OTOGL: variants seen among roughly 807,000 people sequenced by gnomAD.
The protein encoded by OTOGL is otogelin-like protein.
In OTOGL, 285 loss-of-function variants were observed where a neutral mutation model predicts 318.5. The ratio of observed to expected loss-of-function variants is 0.89; its 90% CI spans 0.81 to 0.99. OTOGL has a LOEUF of 0.99. Ranked by LOEUF, OTOGL falls within the 50% of genes least tolerant of loss-of-function variation. OTOGL has a pLI of 0.00. For missense variants in OTOGL, 2,899 were observed against 2,845.6 expected, an observed-to-expected ratio of 1.02 and a Z score of -0.43; for synonymous variants, 987 against 936.5, an observed-to-expected ratio of 1.05 and a Z score of -0.99.
intron 44 of OTOGL, 91 bp from the exon 45 acceptor site, chr12:80,352,204 C>A: frequency 1.7e-6 from 2 of 1,164,768 alleles, no homozygotes; most frequent in Non-Finnish European, 2.4e-6. Context: ...TAACTTGCTA[C>A]CCTTTGATTC....
chr12:80,377,998 A>G lies in OTOGL; in HGVS notation c.7012A>G (p.Ile2338Val). The G allele has an allele frequency of 6.3e-7, 1 of 1,599,350 alleles. No homozygotes were observed. Among genetic ancestry groups the G allele is most frequent in the Non-Finnish European group, 8.5e-7 (1 of 1,171,610 alleles). ...PLYCSGNGTE[I>V]MYTLQEPIDC... ...GTATTGCTCAGGAAATGGCACTGAA[A>G]TTATGTACACTCTCCAGGAACCCAT... The change falls in exon 59 of 59, where the codon ATT (isoleucine) becomes GTT (valine). Residue 2338 changes from isoleucine (I) to valine (V), a missense_variant. Ile to Val is a conservative substitution (Grantham distance 29, BLOSUM62 3). Coordinates refer to ENST00000547103, the MANE Select transcript of OTOGL (RefSeq NM_001378609.3).
At position 80,177,926 on chromosome 12, in the gene OTOGL, T is replaced by C. The variant is rs780228939; in HGVS notation, c.-19-31487T>C. On this transcript the variant is annotated intron_variant, in intron 1 of 58. Transcript: ENST00000547103. ...AATATTCCAGCTGATGCCCTATGAA[T>C]TACAAGATTTTTCATTGTGTCTTAC... is the stretch of plus-strand genomic sequence containing the variant. Among the ~76,000 whole-genome samples the C allele has an allele frequency of 5.1e-4, 77 of 152,192 alleles. 1 individual carries two copies. The highest frequency in any genetic ancestry group is 9.6e-4 in the Non-Finnish European group (65 of 68,046).
intron 22 of OTOGL, 29 bp from the exon 23 acceptor site, chr12:80,270,073 C>G: frequency 6.6e-7 from 1 of 1,510,674 alleles, no homozygotes; most frequent in Non-Finnish European, 9.1e-7. Flanking sequence ...AGATTTGGTT[C>G]CATAAATTAA....
At chr12:80,239,965 G>A (rs573565853) in intron 11 of OTOGL, among the ~76,000 whole-genome samples, 1 of 152,142 alleles carries the variant, frequency 6.6e-6, no homozygotes, top group South Asian at 2.1e-4. Flanking sequence ...CCACATATGA[G>A]TGAGAATGTG....
At position 80,342,087 on chromosome 12, in the gene OTOGL, G is replaced by A; in HGVS notation, c.5190G>A (p.Arg1730=). Residue 1730 remains arginine (R), a synonymous_variant, in exon 44 of 59, where the codon AGG becomes AGA. Coordinates refer to ENST00000547103, the MANE Select transcript of OTOGL (RefSeq NM_001378609.3). ...SFEVTMRRPV[R]NCTEHDCSQC... ...AAGTAACAATGAGAAGACCTGTTAG[G>A]AATTGTACTGAGCATGATTGCAGCC... 1 of 1,606,482 alleles carries A rather than the reference G, an allele frequency of 6.2e-7. No homozygotes were observed.
intron 1 of OTOGL, among the ~76,000 whole-genome samples, chr12:80,178,181 C>T (rs1446378694): frequency 6.6e-6 from 1 of 150,762 alleles, no homozygotes; most frequent in Non-Finnish European, 1.5e-5. Context: ...CTGCCTCAGC[C>T]ACCCAAGTAG....
At chr12:80,198,411 C>A (rs1422824013) in intron 1 of OTOGL, among the ~76,000 whole-genome samples, 1 of 152,030 alleles carries the variant, frequency 6.6e-6, no homozygotes, top group Admixed American at 6.6e-5. Context: ...ATGGTGAAAC[C>A]CCATCTCTAA....
intron 1 of OTOGL, among the ~76,000 whole-genome samples, chr12:80,171,651 T>C (rs114749543): frequency 0.014 from 2,172 of 152,332 alleles, 56 homozygotes; most frequent in African/African-American, 0.049. Flanking sequence ...TTGTTTTGGC[T>C]ATTCCATATA....
chr12:80,199,791 G>A (rs145822333), intron 1 of OTOGL, among the ~76,000 whole-genome samples: 83 of 152,268 alleles, frequency 5.5e-4, no homozygotes, highest in Middle Eastern at 3.4e-3. Flanking sequence ...CTCAAACCAG[G>A]AGGAAAGCCA....
At chr12:80,327,987 A>C (rs1592712827) in intron 35 of OTOGL, among the ~76,000 whole-genome samples, 2 of 105,804 alleles carry the variant, frequency 1.9e-5, no homozygotes, top group East Asian at 7.5e-4. Context: ...AAAAAAAAAG[A>C]GTGGAAAGCA....
chr12:80,195,186 G>A (rs1875971891), intron 1 of OTOGL, among the ~76,000 whole-genome samples: 1 of 152,134 alleles, frequency 6.6e-6, no homozygotes, highest in South Asian at 2.1e-4. Context: ...AGTCTCATAT[G>A]TCAACAATGA....
intron 57 of OTOGL, among the ~76,000 whole-genome samples, chr12:80,374,643 A>G (rs1401789809): frequency 2.6e-5 from 4 of 151,906 alleles, no homozygotes; most frequent in Admixed American, 2.6e-4. Flanking sequence ...TTAAGATTTC[A>G]CTTTTTTTTT....
chr12:80,168,434 A>G (rs1454705703), intron 1 of OTOGL, among the ~76,000 whole-genome samples: 1 of 152,174 alleles, frequency 6.6e-6, no homozygotes, highest in Non-Finnish European at 1.5e-5. Flanking sequence ...TATTTAAATC[A>G]TGCTATTTTT....
chr12:80,344,574 A>G (rs1889040715), intron 44 of OTOGL, among the ~76,000 whole-genome samples: 2 of 152,182 alleles, frequency 1.3e-5, no homozygotes, highest in Non-Finnish European at 2.9e-5. Context: ...ATGGGCATCA[A>G]ATTATGTTGT....
intron 27 of OTOGL, among the ~76,000 whole-genome samples, chr12:80,298,828 G>C (rs79076215): frequency 0.011 from 1,620 of 152,292 alleles, 36 homozygotes; most frequent in African/African-American, 0.037. Context: ...CAATAGATGA[G>C]GGGGCTGAGT....
At chr12:80,184,100 C>T (rs1223944760) in intron 1 of OTOGL, among the ~76,000 whole-genome samples, 1 of 152,152 alleles carries the variant, frequency 6.6e-6, no homozygotes, top group Non-Finnish European at 1.5e-5. Flanking sequence ...TATGTTTAAA[C>T]TAGGAATGGA....
At position 80,261,681 on chromosome 12, in the gene OTOGL, G is replaced by A. The variant is rs756948034; in HGVS notation, c.1890-288G>A. 4.8e-4 allele frequency among the ~76,000 whole-genome samples: 73 copies of A among 151,966 alleles called. No homozygotes were observed. Among genetic ancestry groups the A allele is most frequent in the Admixed American group, 4.6e-4 (7 of 15,220 alleles). On this transcript the variant is annotated intron_variant, in intron 18 of 58. Transcript: ENST00000547103. Reference sequence around the variant, plus strand: ...AGCTTAGTGTAATTTAATATTTCTCGGAGATTCTGCTTTGCTTTCTCTGTA... The same window carrying A: ...AGCTTAGTGTAATTTAATATTTCTCAGAGATTCTGCTTTGCTTTCTCTGTA...
At chr12:80,334,337 A>T (rs540299561) in intron 38 of OTOGL, among the ~76,000 whole-genome samples, 1 of 152,318 alleles carries the variant, frequency 6.6e-6, no homozygotes, top group East Asian at 1.9e-4. Context: ...AATCTTGGGG[A>T]GTGCATGTCT....
Position 80,256,372 on chromosome 12 carries a change from G to C in OTOGL, c.1623G>C (p.Leu541=). The part of the protein sequence containing the change: ...LGLVCLQSIT[L]ILEDDFNKQV... ...TGGTCTGCCTTCAGTCTATAACTCT[G>C]ATTCTGGAGGATGATTTTAACAAAC... The change falls in exon 17 of 59, where the codon CTG becomes CTC. Residue 541 remains leucine, a synonymous_variant. Transcript: ENST00000547103. The C allele has an allele frequency of 6.3e-7, 1 of 1,595,676 alleles. No individual in the cohort carries two copies. The highest frequency in any genetic ancestry group is 8.5e-7 in the Non-Finnish European group (1 of 1,177,346).
Sources: gnomAD v4.1 joint callset for allele counts (sites outside exome capture counted in the v4.1 genomes callset) on GRCh38, gnomAD v4.1.1 for gene constraint, MANE v1.5 for transcripts, NCBI Gene and HGNC (gene_info 2026-07-23, HGNC 2026-07-21) for gene names.